Variants in CD226 observed in about 807,000 individuals in gnomAD.
CD226 encodes CD226 antigen.
In CD226, 24 loss-of-function variants were observed where a neutral mutation model predicts 34.9. The ratio of observed to expected loss-of-function variants is 0.69; its 90% CI spans 0.50 to 0.97. CD226 has a LOEUF of 0.97. Among genes scored for constraint, CD226 ranks in the 50% least tolerant of loss-of-function variants. The pLI is 0.00. For synonymous variants in CD226, 148 were observed against 147.4 expected, an observed-to-expected ratio of 1.00 and a Z score of -0.03; for missense variants, 397 against 412.7, an observed-to-expected ratio of 0.96 and a Z score of 0.33.
chr18:69,864,251 G>T lies in CD226; in HGVS notation c.*63C>A, dbSNP rs1231305142. ...AGACCTTGGGTAGTGGAAAAAAATT[G>T]CATAAAGATCCATGCATGAGTACAT... On this transcript the variant is annotated 3_prime_UTR_variant, in exon 6 of 6. Transcript: ENST00000582621. The T allele has an allele frequency of 3.9e-6, 6 of 1,545,452 alleles. No individual in the cohort carries two copies. Among genetic ancestry groups the T allele is most frequent in the African/African-American group, 1.4e-5 (1 of 73,298 alleles).
In CD226 at chr18:69,863,416, G is replaced by T. The variant is rs137901857; in HGVS notation, c.*898C>A. ...TTGCTCCTAAGGCTAGACCTGGGAT[G>T]GCGGCAAGAATTCTATACAGAATGA... On this transcript the variant is annotated 3_prime_UTR_variant, in exon 6 of 6. Transcript: ENST00000582621. The T allele has an allele frequency of 6.6e-6, 1 of 152,140 alleles. No individual in the cohort carries two copies. The highest frequency in any genetic ancestry group is 1.5e-5 in the Non-Finnish European group (1 of 68,018). The allele number at this position is 152,140 out of a possible 1,614,324, so 9.4% of individuals were successfully genotyped here.
At chr18:69,954,074 A>G (rs139006936) in intron 1 of CD226, among the ~76,000 whole-genome samples, 1 of 152,236 alleles carries the variant, frequency 6.6e-6, no homozygotes, top group African/African-American at 2.4e-5. Flanking sequence ...TTTCACCTCA[A>G]TTTTTAAAAA....
At chr18:69,932,689 C>T (rs1568200490) in intron 2 of CD226, among the ~76,000 whole-genome samples, 1 of 152,198 alleles carries the variant, frequency 6.6e-6, no homozygotes, top group Non-Finnish European at 1.5e-5. Context: ...CGCTTCAGTC[C>T]GTTCTCATCT....
intron 3 of CD226, among the ~76,000 whole-genome samples, chr18:69,882,534 T>G (rs1984325432): frequency 6.6e-6 from 1 of 152,226 alleles, no homozygotes; most frequent in East Asian, 1.9e-4. Flanking sequence ...ACACATTTAT[T>G]GAGAAAAATG....
At chr18:69,937,779 G>GA (rs2145347964) in intron 2 of CD226, among the ~76,000 whole-genome samples, 1 of 152,254 alleles carries the variant, frequency 6.6e-6, no homozygotes, top group East Asian at 1.9e-4. Flanking sequence ...CCCAGCATTA[G>GA]AAAAATGTTG....
At chr18:69,894,717 C>T (rs1408402323) in intron 3 of CD226, among the ~76,000 whole-genome samples, 1 of 151,046 alleles carries the variant, frequency 6.6e-6, no homozygotes, top group East Asian at 2.0e-4. Context: ...TTCCGTGTCC[C>T]GACAGTGAGG....
rs991816321 is a variant in CD226 at position 69,923,158 on chromosome 18, G to C, written c.382+23576C>G. 6.7e-5 allele frequency among the ~76,000 whole-genome samples: 10 copies of C among 148,916 alleles called. No individual in the cohort carries two copies. The East Asian group carries it at 1.4e-3, about 20-fold the overall frequency. On this transcript the variant is annotated intron_variant, in intron 2 of 5. Coordinates refer to ENST00000582621, the MANE Select transcript of CD226 (RefSeq NM_001303618.2). ...AAAAGTCAAAGAAGAAAGAAAGAAA[G>C]AGAGAAAGAGAAAAAGAGAGAAAGA... is the stretch of plus-strand genomic sequence containing the variant.
chr18:69,869,960 C>T (rs1983405698), intron 4 of CD226, among the ~76,000 whole-genome samples: 1 of 151,448 alleles, frequency 6.6e-6, no homozygotes, highest in South Asian at 2.1e-4. Flanking sequence ...GCCACCATGC[C>T]TGGCTAATTT....
intron 1 of CD226, 81 bp downstream of exon 1, chr18:69,947,280 C>T (rs2145369100): frequency 1.0e-6 from 1 of 989,838 alleles, no homozygotes; most frequent in South Asian, 1.5e-5. Context: ...CTAAAGAGCA[C>T]TGTAAATTCT....
At chr18:69,900,150 G>T (rs1336430213) in intron 2 of CD226, among the ~76,000 whole-genome samples, 1 of 152,168 alleles carries the variant, frequency 6.6e-6, no homozygotes, top group African/African-American at 2.4e-5. Context: ...TGCAGCTGGA[G>T]GCTATTATCC....
chr18:69,896,073 A>G (rs1630425), intron 2 of CD226, 28 bp from the exon 3 acceptor site: 1 of 1,588,304 alleles, frequency 6.3e-7, no homozygotes, highest in Non-Finnish European at 8.5e-7. Context: ...ATGATTAGAT[A>G]CAGGTTGTCA....
At chr18:69,952,980 A>T (rs528753743) in intron 1 of CD226, among the ~76,000 whole-genome samples, 1 of 152,352 alleles carries the variant, frequency 6.6e-6, no homozygotes, top group African/African-American at 2.4e-5. Flanking sequence ...TTATCAGTCA[A>T]TAAGGAAACA....
At chr18:69,950,987 G>C (rs1453326377), upstream of CD226, among the ~76,000 whole-genome samples, 1 of 149,082 alleles carries the variant, frequency 6.7e-6, no homozygotes, top group African/African-American at 2.5e-5. Flanking sequence ...GTGTGTGTGT[G>C]TGTGTGTGTG....
chr18:69,883,308 G>C (rs1444552363), intron 3 of CD226, among the ~76,000 whole-genome samples: 1 of 152,096 alleles, frequency 6.6e-6, no homozygotes, highest in Admixed American at 6.5e-5. Flanking sequence ...CTAGAAAAAT[G>C]GCAAAAAATA....
chr18:69,946,840 A>C lies in CD226; in HGVS notation c.276T>G (p.Thr92=). The C allele has an allele frequency of 6.2e-7, 1 of 1,614,158 alleles. No individual in the cohort carries two copies. Among genetic ancestry groups the C allele is most frequent in the South Asian group, 1.1e-5 (1 of 91,084 alleles). ...CTTCAGAGGCATTCCGAAAGAAAAG[A>C]GTCATGTTATTGGAAGCCATCGTTG... is the stretch of plus-strand genomic sequence containing the variant. ...LNSTMASNNM[T]LFFRNASEDD... is the part of the protein sequence containing the mutation. The change falls in exon 2 of 6, where the codon ACT becomes ACG. Residue 92 remains threonine, a synonymous_variant. Coordinates refer to ENST00000582621, the MANE Select transcript of CD226 (RefSeq NM_001303618.2).
chr18:69,956,993 T>TA (rs1326227953), exon 1 of CD226: 2 of 152,210 alleles, frequency 1.3e-5, no homozygotes, highest in Non-Finnish European at 2.9e-5. Flanking sequence ...CTTCCTCAGA[T>TA]AGCAACTGAA....
At chr18:69,893,009 G>A (rs1003151388) in intron 3 of CD226, among the ~76,000 whole-genome samples, 10 of 152,122 alleles carry the variant, frequency 6.6e-5, no homozygotes, top group African/African-American at 2.4e-4. Flanking sequence ...AGAGCCTCAA[G>A]ACGTGAAATA....
intron 2 of CD226, among the ~76,000 whole-genome samples, chr18:69,904,172 A>G (rs2055222043): frequency 6.6e-6 from 1 of 152,212 alleles, no homozygotes; most frequent in Non-Finnish European, 1.5e-5. Flanking sequence ...AACCCGACAA[A>G]GCCATCATGA....
intron 2 of CD226, among the ~76,000 whole-genome samples, chr18:69,943,302 G>A (rs1283488341): frequency 1.3e-5 from 2 of 152,186 alleles, no homozygotes; most frequent in Non-Finnish European, 2.9e-5. Flanking sequence ...AATAAAGCCA[G>A]AGACACGTAG....
Sources: gnomAD v4.1 joint callset for allele counts (sites outside exome capture counted in the v4.1 genomes callset) on GRCh38, gnomAD v4.1.1 for gene constraint, MANE v1.5 for transcripts, NCBI Gene and HGNC (gene_info 2026-07-23, HGNC 2026-07-21) for gene names.